Variants in NCKAP1L observed in about 807,000 individuals in gnomAD.
NCKAP1L encodes the protein nck-associated protein 1-like.
A neutral mutation model predicts 139.2 loss-of-function variants in NCKAP1L; 53 were observed. The observed-to-expected ratio is 0.38, with a 90% CI of 0.31 to 0.48. The LOEUF is 0.48. Ranked by LOEUF, NCKAP1L falls within the 20% of genes least tolerant of loss-of-function variation. NCKAP1L has a pLI of 0.98. For missense variants in NCKAP1L, 1,151 were observed against 1,381.9 expected, an observed-to-expected ratio of 0.83 and a Z score of 2.65; for synonymous variants, 468 against 499.7, an observed-to-expected ratio of 0.94 and a Z score of 0.85.
chr12:54,539,381 A>G (rs1957139795), intron 30 of NCKAP1L, among the ~76,000 whole-genome samples: 1 of 152,084 alleles, frequency 6.6e-6, no homozygotes, highest in African/African-American at 2.4e-5. Context: ...GATAACACAG[A>G]GCTGAACTCA....
intron 3 of NCKAP1L, among the ~76,000 whole-genome samples, chr12:54,504,123 GT>G (rs545894267): frequency 1.3e-5 from 2 of 152,212 alleles, no homozygotes; most frequent in East Asian, 3.9e-4. Flanking sequence ...TGGGATTATA[GT>G]TTAAAAAAGC....
intron 3 of NCKAP1L, among the ~76,000 whole-genome samples, chr12:54,505,722 G>A (rs887929153): frequency 3.3e-5 from 5 of 151,500 alleles, no homozygotes; most frequent in African/African-American, 1.2e-4. Flanking sequence ...GAGTGCAATG[G>A]TGTGATCTTG....
At chr12:54,522,449 G>A (rs1449424177) in intron 18 of NCKAP1L, among the ~76,000 whole-genome samples, 1 of 152,236 alleles carries the variant, frequency 6.6e-6, no homozygotes, top group Non-Finnish European at 1.5e-5. Flanking sequence ...AACCAAATGA[G>A]TATAGGCTTT....
Position 54,523,957 on chromosome 12 carries a change from G to A in NCKAP1L, c.2156+1G>A. 6.2e-7 allele frequency: 1 copy of A among 1,613,186 alleles called. No homozygotes were observed. The highest frequency in any genetic ancestry group is 8.5e-7 in the Non-Finnish European group (1 of 1,179,558). On this transcript the variant is annotated splice_donor_variant, in intron 20 of 30. Transcript: ENST00000293373. LOFTEE classifies it high-confidence loss of function. ...GCCACCTGGAGGCCAGACTCAACAG[G>A]TATCACTCTTTCCTTGTCCTCTGTT...
intron 9 of NCKAP1L, among the ~76,000 whole-genome samples, chr12:54,513,499 T>G (rs1298123932): frequency 1.3e-5 from 2 of 152,120 alleles, no homozygotes; most frequent in East Asian, 3.8e-4. Flanking sequence ...AAATCCTCTG[T>G]GTATGTTGAT....
rs774374261 is a variant in NCKAP1L, at chr12:54,511,839, C to T, written c.772C>T (p.Arg258Cys). ...GTATCTGTCTGTGGAAGTAATGGAG[C>T]GCTGGATTATCAGTAAGTTTAGTGG... ...CEYLSVEVME[R>C]WIIIGFLLCH... The change falls in exon 8 of 31, where the codon CGC becomes TGC. Residue 258 changes from arginine to cysteine, a missense_variant. Transcript: ENST00000293373. The T allele has an allele frequency of 4.3e-6, 7 of 1,614,134 alleles. No homozygotes were observed. Among genetic ancestry groups the T allele is most frequent in the Non-Finnish European group, 5.9e-6 (7 of 1,179,986 alleles).
intron 16 of NCKAP1L, 71 bp downstream of exon 16, chr12:54,519,403 C>T (rs1407020895): frequency 9.5e-6 from 11 of 1,154,540 alleles, no homozygotes; most frequent in South Asian, 8.2e-5. Flanking sequence ...CTCCATTATG[C>T]CACTTACTTC....
At chr12:54,524,035 C>T in intron 20 of NCKAP1L, 79 bp downstream of exon 20, 1 of 1,455,102 alleles carries the variant, frequency 6.9e-7, no homozygotes, top group Non-Finnish European at 9.3e-7. Flanking sequence ...GTATGGTGGT[C>T]CTCAAAGTTG....
At chr12:54,520,572 A>G (rs1232318013) in intron 16 of NCKAP1L, 122 bp from the exon 17 acceptor site, 17 of 959,354 alleles carry the variant, frequency 1.8e-5, no homozygotes, top group East Asian at 4.8e-5. Flanking sequence ...GAAAGAATGA[A>G]TATCCTCTCC....
At chr12:54,521,712 T>TCC (rs1475176564) in intron 18 of NCKAP1L, among the ~76,000 whole-genome samples, 1 of 152,154 alleles carries the variant, frequency 6.6e-6, no homozygotes, top group Non-Finnish European at 1.5e-5. Flanking sequence ...TTCTTATTTT[T>TCC]CCCCTCTCCT....
chr12:54,497,968 C>A (rs1252146345), intron 1 of NCKAP1L, 77 bp downstream of exon 1: 1 of 852,124 alleles, frequency 1.2e-6, no homozygotes. Context: ...GCAGGTGCAG[C>A]AGTTAGACTC....
intron 26 of NCKAP1L, among the ~76,000 whole-genome samples, chr12:54,533,759 A>C (rs952938102): frequency 2.6e-5 from 4 of 152,108 alleles, no homozygotes; most frequent in Non-Finnish European, 4.4e-5. Flanking sequence ...TAGTAAAGAC[A>C]GGGTTTCACC....
In NCKAP1L at chr12:54,523,892, G is replaced by A. The variant is rs967446360; in HGVS notation, c.2092G>A (p.Val698Met). 1.4e-5 allele frequency: 22 copies of A among 1,614,028 alleles called. No homozygotes were observed. The highest frequency in any genetic ancestry group is 8.3e-5 in the Admixed American group (5 of 60,008). Residue 698 changes from valine (V) to methionine (M), a missense_variant, in exon 20 of 31, where the codon GTG becomes ATG. Val to Met is a conservative substitution (Grantham distance 21, BLOSUM62 1). Coordinates refer to ENST00000293373, the MANE Select transcript of NCKAP1L (RefSeq NM_005337.5). ...LTMNHVYSFS[V>M]FEHTIFPSEY... The stretch of plus-strand genomic sequence containing the variant: ...AATGAATCATGTATACAGTTTCTCC[G>A]TGTTTGAACATACTATCTTCCCTTC...
intron 10 of NCKAP1L, 133 bp downstream of exon 10, chr12:54,516,428 A>C: frequency 1.3e-6 from 1 of 786,786 alleles, no homozygotes; most frequent in Admixed American, 2.7e-5. Context: ...GCTACCCCAT[A>C]AATTCTTTTT....
At chr12:54,516,110 G>A (rs1956928940) in intron 9 of NCKAP1L, 129 bp from the exon 10 acceptor site, 2 of 822,296 alleles carry the variant, frequency 2.4e-6, no homozygotes, top group South Asian at 1.5e-5. Flanking sequence ...GGTTTGGAAA[G>A]ATCCTGCCTG....
chr12:54,503,022 AAC>A (rs1956813029), intron 3 of NCKAP1L, among the ~76,000 whole-genome samples: 1 of 150,990 alleles, frequency 6.6e-6, no homozygotes. Flanking sequence ...AAAAAAAAGA[AAC>A]AAAACCCCAC....
chr12:54,509,617 T>C (rs1956870685), intron 5 of NCKAP1L, 52 bp from the exon 6 acceptor site: 1 of 1,287,000 alleles, frequency 7.8e-7, no homozygotes, highest in African/African-American at 1.5e-5. Context: ...ACATAAGAGT[T>C]CAAGTCATGG....
Position 54,531,728 on chromosome 12 carries a change from C to A in NCKAP1L, c.2699-15C>A. The A allele has an allele frequency of 6.2e-7, 1 of 1,610,120 alleles. No homozygotes were observed. The highest frequency in any genetic ancestry group is 2.2e-5 in the East Asian group (1 of 44,738). ...TCTCTAAATTATCTTTTCTAACACG[C>A]TTCTTTCTCCTCAGGGGCTGAAAAT... On this transcript the variant is annotated splice_polypyrimidine_tract_variant and intron_variant, in intron 24 of 30. Coordinates refer to ENST00000293373, the MANE Select transcript of NCKAP1L (RefSeq NM_005337.5).
chr12:54,542,232 C>A (rs528402803), intron 30 of NCKAP1L, among the ~76,000 whole-genome samples: 1 of 152,140 alleles, frequency 6.6e-6, no homozygotes, highest in African/African-American at 2.4e-5. Context: ...TTTTATACAT[C>A]TTTACCTGCA....
Sources: gnomAD v4.1 joint callset for allele counts (sites outside exome capture counted in the v4.1 genomes callset) on GRCh38, gnomAD v4.1.1 for gene constraint, MANE v1.5 for transcripts, NCBI Gene and HGNC (gene_info 2026-07-23, HGNC 2026-07-21) for gene names.